The following SDCCAG8 variants were observed in gnomAD, a reference collection of about 807,000 sequenced individuals.
SDCCAG8 encodes the protein SHH signaling and ciliogenesis regulator SDCCAG8.
In SDCCAG8, 74 loss-of-function variants were observed where a neutral mutation model predicts 101.8. The ratio of observed to expected loss-of-function variants is 0.73; its 90% CI spans 0.60 to 0.88. SDCCAG8 has a LOEUF of 0.88. Among genes scored for constraint, SDCCAG8 ranks in the 40% least tolerant of loss-of-function variants. The pLI is 0.00. For missense variants in SDCCAG8, 787 were observed against 822.6 expected, an observed-to-expected ratio of 0.96 and a Z score of 0.53; for synonymous variants, 281 against 292.9, an observed-to-expected ratio of 0.96 and a Z score of 0.41.
chr1:243,361,149 G>A (rs915640497), intron 12 of SDCCAG8, among the ~76,000 whole-genome samples: 12 of 152,102 alleles, frequency 7.9e-5, no homozygotes, highest in Non-Finnish European at 2.9e-5. Flanking sequence ...TAACCAGTCT[G>A]CCCCCACGAC....
intron 4 of SDCCAG8, among the ~76,000 whole-genome samples, chr1:243,284,525 C>G (rs1376975820): frequency 6.6e-6 from 1 of 152,180 alleles, no homozygotes; most frequent in South Asian, 2.1e-4. Flanking sequence ...TGGGCTGTGA[C>G]GTTCACAAGT....
chr1:243,256,116 A>G lies in SDCCAG8; in HGVS notation c.-58A>G. 1.3e-6 allele frequency: 2 copies of G among 1,523,256 alleles called. No homozygotes were observed. Among genetic ancestry groups the G allele is most frequent in the African/African-American group, 1.4e-5 (1 of 73,400 alleles). 94.4% of individuals were successfully genotyped at this position (1,523,256 alleles called of 1,614,324 possible). A position where few individuals can be genotyped will look rare whatever the true frequency, so the allele number is the denominator to read the frequency against. On this transcript the variant is annotated 5_prime_UTR_variant, in exon 1 of 18. Transcript: ENST00000366541. The stretch of plus-strand genomic sequence containing the variant: ...CGGCCACAGGCCTGTTGTTCTCGGA[A>G]GGGAGAAAGCTGGACATTTCCCCAC...
rs867027860 is a variant in SDCCAG8 at position 243,314,952 on chromosome 1, C to T, written c.930-1803C>T. On this transcript the variant is annotated intron_variant, in intron 8 of 17. Transcript: ENST00000366541. ...CTGGAACTCCTGACCTCAAGTGATC[C>T]GCCCACCTCGGCCTCCCAAAGTGTT... Among the ~76,000 whole-genome samples, 6 of 152,300 alleles carry T rather than the reference C, an allele frequency of 3.9e-5. No individual in the cohort carries two copies. In the Middle Eastern group the frequency reaches 0.01, roughly 259 times the overall value.
intron 1 of SDCCAG8, chr1:243,267,323 G>T (rs2067696606): frequency 8.6e-6 from 2 of 231,636 alleles, no homozygotes; most frequent in South Asian, 1.1e-4. Flanking sequence ...GTCACTGGGC[G>T]TGGTGGCTTA....
chr1:243,345,049 G>A (rs2075620378), intron 12 of SDCCAG8, among the ~76,000 whole-genome samples: 1 of 152,080 alleles, frequency 6.6e-6, no homozygotes, highest in African/African-American at 2.4e-5. Context: ...AATGAAAGCA[G>A]GTTGTTTATT....
chr1:243,384,867 A>T (rs1386600092), intron 13 of SDCCAG8, among the ~76,000 whole-genome samples: 1 of 152,224 alleles, frequency 6.6e-6, no homozygotes, highest in Non-Finnish European at 1.5e-5. Flanking sequence ...AAAACAAAGC[A>T]AGGCTGCTTT....
At chr1:243,422,467 C>G (rs1315283264) in intron 15 of SDCCAG8, among the ~76,000 whole-genome samples, 1 of 152,072 alleles carries the variant, frequency 6.6e-6, no homozygotes, top group Non-Finnish European at 1.5e-5. Flanking sequence ...TAACACTATA[C>G]TTTATGGTGT....
chr1:243,478,826 T>G (rs1425079966), intron 16 of SDCCAG8, among the ~76,000 whole-genome samples: 1 of 151,650 alleles, frequency 6.6e-6, no homozygotes, highest in Non-Finnish European at 1.5e-5. Flanking sequence ...AGCGTGGTGG[T>G]GTGTGCCTGT....
At chr1:243,382,581 C>T (rs2078026244) in intron 13 of SDCCAG8, among the ~76,000 whole-genome samples, 1 of 152,164 alleles carries the variant, frequency 6.6e-6, no homozygotes, top group African/African-American at 2.4e-5. Context: ...CTATCTGTCC[C>T]TTTACAGAAA....
intron 16 of SDCCAG8, among the ~76,000 whole-genome samples, 167 bp from the exon 17 acceptor site, chr1:243,488,847 G>T (rs1043606724): frequency 1.3e-5 from 2 of 152,170 alleles, no homozygotes; most frequent in African/African-American, 4.8e-5. Flanking sequence ...CCTTCACACA[G>T]TGCGTACCAA....
Position 243,297,231 on chromosome 1 carries a change from A to G in SDCCAG8, c.675+4012A>G, listed in dbSNP as rs1039791064. On this transcript the variant is annotated intron_variant, in intron 6 of 17. Transcript: ENST00000366541. The stretch of plus-strand genomic sequence containing the variant: ...TATCTGGTTTCTGTTGTCCACCATT[A>G]TATTTGTTAGATTCATCCATGTTGT... 1.3e-4 allele frequency among the ~76,000 whole-genome samples: 20 copies of G among 152,208 alleles called. No homozygotes were observed. In the South Asian group the frequency reaches 3.7e-3, roughly 28 times the overall value.
chr1:243,417,938 A>G, intron 14 of SDCCAG8, 30 bp from the exon 15 acceptor site: 4 of 1,488,892 alleles, frequency 2.7e-6, no homozygotes, highest in Non-Finnish European at 3.8e-6. Flanking sequence ...TAAACATCTT[A>G]TGTTGGTGGG....
chr1:243,268,052 C>T (rs2067776101), intron 1 of SDCCAG8: 1 of 766,836 alleles, frequency 1.3e-6, no homozygotes, highest in Non-Finnish European at 2.4e-6. Context: ...TTCTTTAAGC[C>T]TCTGATCTCT....
At chr1:243,375,179 TAAGA>T (rs1365681360) in intron 12 of SDCCAG8, among the ~76,000 whole-genome samples, 1 of 152,040 alleles carries the variant, frequency 6.6e-6, no homozygotes, top group African/African-American at 2.4e-5. Flanking sequence ...CTTCTTCACG[TAAGA>T]AAGGTCTAAT....
chr1:243,268,412 G>A (rs545331706), intron 1 of SDCCAG8, among the ~76,000 whole-genome samples: 13 of 152,282 alleles, frequency 8.5e-5, no homozygotes, highest in African/African-American at 2.9e-4. Flanking sequence ...CCAGGAATGC[G>A]TCTTATCTGA....
At chr1:243,410,756 A>G (rs2080114773) in intron 13 of SDCCAG8, among the ~76,000 whole-genome samples, 6 of 152,236 alleles carry the variant, frequency 3.9e-5, no homozygotes, top group Admixed American at 3.9e-4. Context: ...CATTTTTTAA[A>G]TTGCAAGATT....
At position 243,415,815 on chromosome 1, in the gene SDCCAG8, A is replaced by C. The variant is rs771493123; in HGVS notation, c.1730A>C (p.Gln577Pro). 1.2e-5 allele frequency: 19 copies of C among 1,613,426 alleles called. No homozygotes were observed. In the Admixed American group the frequency reaches 2.3e-4, roughly 20 times the overall value. ...LTQKIQQMEA[Q>P]HDKTENEQYL... Reference sequence around the variant, plus strand: ...CAGAAGATACAGCAAATGGAGGCCCAGCATGACAAAACTGGTAGGTGGTAG... The same window carrying C: ...CAGAAGATACAGCAAATGGAGGCCCCGCATGACAAAACTGGTAGGTGGTAG... The change falls in exon 14 of 18, where the codon CAG (glutamine) becomes CCG (proline). Residue 577 changes from glutamine to proline, a missense_variant. Transcript: ENST00000366541.
At chr1:243,321,922 T>C (rs1002097914) in intron 9 of SDCCAG8, among the ~76,000 whole-genome samples, 2 of 152,276 alleles carry the variant, frequency 1.3e-5, no homozygotes, top group Non-Finnish European at 2.9e-5. Flanking sequence ...GTGCCGGGAT[T>C]ACTGGCGTGA....
intron 6 of SDCCAG8, among the ~76,000 whole-genome samples, chr1:243,302,109 A>G (rs1449062866): frequency 6.6e-6 from 1 of 152,080 alleles, no homozygotes; most frequent in Non-Finnish European, 1.5e-5. Context: ...TTAGCTGGGC[A>G]TGATGTCACG....
Sources: allele counts gnomAD v4.1 joint callset (sites outside exome capture counted in the v4.1 genomes callset), GRCh38; gene constraint gnomAD v4.1.1; transcripts MANE v1.5; gene names NCBI Gene and HGNC (gene_info 2026-07-23, HGNC 2026-07-21).